SH3BP4: variants seen among roughly 807,000 people sequenced by gnomAD.
SH3BP4 encodes SH3 domain-binding protein 4.
In SH3BP4, 33 loss-of-function variants were observed where a neutral mutation model predicts 65.5. That is an observed-to-expected ratio of 0.50 (90% CI 0.38 to 0.67). The LOEUF (loss-of-function observed/expected upper bound fraction) is 0.67, where lower values mean the gene tolerates loss of function less well. Ranked by LOEUF, SH3BP4 falls within the 30% of genes least tolerant of loss-of-function variation. SH3BP4 has a pLI of 0.00. For missense variants in SH3BP4, 1,134 were observed against 1,261.4 expected, an observed-to-expected ratio of 0.90 and a Z score of 1.53; for synonymous variants, 552 against 545.5, an observed-to-expected ratio of 1.01 and a Z score of -0.17.
intron 1 of SH3BP4, among the ~76,000 whole-genome samples, chr2:234,964,661 G>A (rs554843502): frequency 1.4e-4 from 21 of 152,260 alleles, no homozygotes; most frequent in South Asian, 4.1e-4. Flanking sequence ...TGGGCAGGGT[G>A]GCTTGGTGAG....
intron 2 of SH3BP4, among the ~76,000 whole-genome samples, chr2:235,015,997 G>T (rs564228927): frequency 2.0e-5 from 3 of 152,190 alleles, no homozygotes; most frequent in African/African-American, 7.2e-5. Context: ...GGGGGTACGT[G>T]GCAGAGATTT....
Position 235,054,081 on chromosome 2 carries a change from T to TG in SH3BP4, c.*271dup. On this transcript the variant is annotated 3_prime_UTR_variant, in exon 6 of 6. Coordinates refer to ENST00000392011, the MANE Select transcript of SH3BP4 (RefSeq NM_014521.3). ...AATTTAAAATCACTTTTTTAACGAA[T>TG]GGGGGGAAGGGATCTATGAGAAAGG... 2.4e-6 allele frequency: 1 copy of TG among 416,088 alleles called. No homozygotes were observed. Among genetic ancestry groups the TG allele is most frequent in the South Asian group, 4.2e-5 (1 of 23,924 alleles). 25.8% of individuals were successfully genotyped at this position (416,088 alleles called of 1,614,324 possible). A position where few individuals can be genotyped will look rare whatever the true frequency, so the allele number is the denominator to read the frequency against.
In SH3BP4 at chr2:235,042,285, G is replaced by A. The variant is rs1304087666; in HGVS notation, c.1516G>A (p.Val506Ile). The change falls in exon 4 of 6, where the codon GTC (valine) becomes ATC (isoleucine). Residue 506 changes from valine (V) to isoleucine (I), a missense_variant. By Grantham distance (29) the Val-to-Ile change is conservative (BLOSUM62 3). Transcript: ENST00000392011. The surrounding 1 kb of genome is among the most constrained non-coding windows in gnomAD (Gnocchi z 7.3). ...TGACTGTGCCCCAAAGACGCTCCTG[G>A]TCAGCGAGGTCACACGCCAGGCACC... ...GHDCAPKTLL[V>I]SEVTRQAPNP... The A allele has an allele frequency of 6.2e-7, 1 of 1,614,166 alleles. No homozygotes were observed. The highest frequency in any genetic ancestry group is 1.7e-5 in the Admixed American group (1 of 60,020).
Position 234,997,663 on chromosome 2 carries a change from T to A in SH3BP4, c.-133+2287T>A, listed in dbSNP as rs1176928370. 6.6e-6 allele frequency among the ~76,000 whole-genome samples: 1 copy of A among 152,184 alleles called. No homozygotes were observed. Among genetic ancestry groups the A allele is most frequent in the Non-Finnish European group, 1.5e-5 (1 of 68,026 alleles). On this transcript the variant is annotated intron_variant, in intron 2 of 5. Transcript: ENST00000392011. The surrounding 1 kb of genome is among the most constrained non-coding windows in gnomAD (Gnocchi z 4.2). Reference sequence around the variant, plus strand: ...GTGGTTGTTCCCACTGTCCCACTGATGGCTGGGAAGGGTGAGCTCCAGCCC... The same window carrying A: ...GTGGTTGTTCCCACTGTCCCACTGAAGGCTGGGAAGGGTGAGCTCCAGCCC...
rs747805355 is a variant in SH3BP4 at position 235,042,417 on chromosome 2, G to C, written c.1648G>C (p.Val550Leu). The C allele has an allele frequency of 1.9e-5, 30 of 1,614,028 alleles. 1 individual carries two copies. The South Asian group carries it at 3.2e-4, about 17-fold the overall frequency. ...CMFSNMTNYE[V>L]KASEQAKVVR... is the part of the protein sequence containing the mutation. ...GTTTTCCAATATGACGAATTACGAG[G>C]TCAAAGCCAGCGAGCAGGCCAAAGT... Residue 550 changes from valine to leucine, a missense_variant, in exon 4 of 6, where the codon GTC (valine) becomes CTC (leucine). Physicochemically the swap from Val to Leu is conservative, Grantham distance 32 (BLOSUM62 1). Transcript: ENST00000392011. This position sits in a 1 kb window ranked among gnomAD's most constrained non-coding sequence, Gnocchi z 7.3.
Position 235,046,358 on chromosome 2 carries a change from C to T in SH3BP4, c.2478+3111C>T, listed in dbSNP as rs1290971765. 6.6e-6 allele frequency among the ~76,000 whole-genome samples: 1 copy of T among 152,088 alleles called. No homozygotes were observed. Among genetic ancestry groups the T allele is most frequent in the Non-Finnish European group, 1.5e-5 (1 of 68,028 alleles). ...CTGAGACAGGAGAATCGCTTGAGCC[C>T]GGGAATTCAAGACCAGCCTGAGCAA... On this transcript the variant is annotated intron_variant, in intron 4 of 5. Transcript: ENST00000392011. This position sits in a 1 kb window ranked among gnomAD's most constrained non-coding sequence, Gnocchi z 4.2.
Position 235,042,576 on chromosome 2 carries a change from C to T in SH3BP4, c.1807C>T (p.Gln603Ter), listed in dbSNP as rs1695703679. The T allele has an allele frequency of 6.2e-7, 1 of 1,614,136 alleles. No homozygotes were observed. Among genetic ancestry groups the T allele is most frequent in the Non-Finnish European group, 8.5e-7 (1 of 1,180,038 alleles). Reference sequence around the variant, plus strand: ...GGACGACCAGGAGGCCATCCTCACCCAGTTTTGTGTCCAGACTCCTCAGCC... The same window carrying T: ...GGACGACCAGGAGGCCATCCTCACCTAGTTTTGTGTCCAGACTCCTCAGCC... ...VKDDQEAILT[Q>*]FCVQTPQPPP... The change falls in exon 4 of 6, where the codon CAG becomes TAG. Residue 603 changes from glutamine (Q) to a stop codon, truncating the protein, a stop_gained. Coordinates refer to ENST00000392011, the MANE Select transcript of SH3BP4 (RefSeq NM_014521.3). LOFTEE classifies it high-confidence loss of function. This position sits in a 1 kb window ranked among gnomAD's most constrained non-coding sequence, Gnocchi z 7.3.
chr2:235,013,075 T>A (rs1244302976), intron 2 of SH3BP4, among the ~76,000 whole-genome samples: 4 of 152,248 alleles, frequency 2.6e-5, no homozygotes, highest in Admixed American at 2.6e-4. Flanking sequence ...AAACAGCCTT[T>A]CTGTTCCCTG....
At chr2:234,992,218 C>T (rs1001680611) in intron 1 of SH3BP4, among the ~76,000 whole-genome samples, 2 of 152,198 alleles carry the variant, frequency 1.3e-5, no homozygotes, top group African/African-American at 2.4e-5. Flanking sequence ...CTGGAGTTTC[C>T]AGCGAAGATT....
At position 235,025,695 on chromosome 2, in the gene SH3BP4, G is replaced by A. The variant is rs537851212; in HGVS notation, c.-132-9176G>A. 1.6e-4 allele frequency among the ~76,000 whole-genome samples: 24 copies of A among 152,344 alleles called. No individual in the cohort carries two copies. The South Asian group carries it at 4.6e-3, about 29-fold the overall frequency. ...GGAACTAAGAAAAAATAACAAGCAC[G>A]ATGAACAGTGCGATGCCTGGGATAA... On this transcript the variant is annotated intron_variant, in intron 2 of 5. Coordinates refer to ENST00000392011, the MANE Select transcript of SH3BP4 (RefSeq NM_014521.3).
At chr2:235,007,453 G>A (rs1020899559) in intron 2 of SH3BP4, among the ~76,000 whole-genome samples, 12 of 152,216 alleles carry the variant, frequency 7.9e-5, no homozygotes, top group African/African-American at 2.9e-4. Flanking sequence ...GCAGGGAGGA[G>A]GGAGGAGGTT....
intron 1 of SH3BP4, among the ~76,000 whole-genome samples, chr2:234,963,042 G>A (rs1461709578): frequency 6.6e-6 from 1 of 152,094 alleles, no homozygotes; most frequent in East Asian, 1.9e-4. Flanking sequence ...GAGCCACCAC[G>A]CCCGGCAATG....
chr2:235,022,517 T>C (rs930244102), intron 2 of SH3BP4, among the ~76,000 whole-genome samples: 2 of 151,488 alleles, frequency 1.3e-5, no homozygotes, highest in Non-Finnish European at 2.9e-5. Context: ...CGAGACTCTG[T>C]CTCCAAAAAA....
At chr2:235,053,046 G>A (rs6714159) in intron 5 of SH3BP4, among the ~76,000 whole-genome samples, 64,252 of 152,108 alleles carry the variant, frequency 0.42, 14,255 homozygotes, top group East Asian at 0.59. Context: ...CATCCGTAGG[G>A]TTGAATAATG....
chr2:234,988,309 T>C (rs1354554254), intron 1 of SH3BP4, among the ~76,000 whole-genome samples: 2 of 152,176 alleles, frequency 1.3e-5, no homozygotes, highest in Non-Finnish European at 2.9e-5. Flanking sequence ...TCTGCCCACC[T>C]TGGCCTCCCA....
At chr2:234,959,807 A>G (rs916322122) in intron 1 of SH3BP4, among the ~76,000 whole-genome samples, 7 of 151,998 alleles carry the variant, frequency 4.6e-5, no homozygotes, top group Admixed American at 1.3e-4. Context: ...GCATGCCACC[A>G]TGCCTGGCTA....
intron 2 of SH3BP4, among the ~76,000 whole-genome samples, chr2:235,016,782 A>G (rs940598373): frequency 2.0e-5 from 3 of 152,170 alleles, no homozygotes; most frequent in African/African-American, 4.8e-5. Flanking sequence ...GTGCTGGGAT[A>G]ACAGGTGTGA....
At chr2:234,972,051 A>G (rs976702799) in intron 1 of SH3BP4, among the ~76,000 whole-genome samples, 2 of 150,532 alleles carry the variant, frequency 1.3e-5, no homozygotes, top group Non-Finnish European at 2.9e-5. Context: ...TCTTGACCTC[A>G]TGATCCACCC....
intron 1 of SH3BP4, among the ~76,000 whole-genome samples, chr2:234,980,459 A>C (rs1693341376): frequency 6.6e-6 from 1 of 152,340 alleles, no homozygotes; most frequent in South Asian, 2.1e-4. Context: ...GAAACCATGG[A>C]AACTTGGGGT....
Sources: allele counts gnomAD v4.1 joint callset (sites outside exome capture counted in the v4.1 genomes callset), GRCh38; gene constraint gnomAD v4.1.1; non-coding constraint Gnocchi (gnomAD v3.1); transcripts MANE v1.5; gene names NCBI Gene and HGNC (gene_info 2026-07-23, HGNC 2026-07-21).